The following NCAM2 variants were observed in gnomAD, a reference collection of about 807,000 sequenced individuals.
NCAM2 encodes the protein N-CAM-2.
A neutral mutation model predicts 98.1 loss-of-function variants in NCAM2; 30 were observed. The ratio of observed to expected loss-of-function variants is 0.31; its 90% CI spans 0.23 to 0.41. The LOEUF (loss-of-function observed/expected upper bound fraction) is 0.41. Among genes scored for constraint, NCAM2 ranks in the 10% least tolerant of loss-of-function variants. The probability of loss-of-function intolerance (pLI) is 1.00; values close to 1 mark genes in which losing one functional copy is unlikely to be tolerated. For synonymous variants in NCAM2, 368 were observed against 342.4 expected (o/e 1.07, Z -0.83); for missense variants, 867 against 1,005.8 (o/e 0.86, Z 1.87).
At chr21:21,470,392 ATAAG>A (rs1428422008) in intron 14 of NCAM2, among the ~76,000 whole-genome samples, 1 of 152,126 alleles carries the variant, frequency 6.6e-6, no homozygotes, top group African/African-American at 2.4e-5. Flanking sequence ...ATGGATAGAA[ATAAG>A]TAAGATTTTA....
intron 5 of NCAM2, 129 bp from the exon 6 acceptor site, chr21:21,324,254 C>T: frequency 1.7e-6 from 1 of 601,212 alleles, no homozygotes; most frequent in Non-Finnish European, 2.9e-6. Flanking sequence ...GAAACCAAAT[C>T]AGTTTCATTA....
At chr21:21,504,921 C>G (rs1307661454) in intron 15 of NCAM2, among the ~76,000 whole-genome samples, 1 of 151,670 alleles carries the variant, frequency 6.6e-6, no homozygotes, top group Non-Finnish European at 1.5e-5. Flanking sequence ...AAGCATTTAT[C>G]TTTCGTGTTA....
chr21:21,294,573 A>C (rs1273934209), intron 5 of NCAM2, among the ~76,000 whole-genome samples: 2 of 151,804 alleles, frequency 1.3e-5, no homozygotes, highest in Non-Finnish European at 2.9e-5. Context: ...TTAGGATCAC[A>C]AACTCGCGTA....
chr21:21,121,710 C>G (rs1382202064), intron 1 of NCAM2, among the ~76,000 whole-genome samples: 1 of 152,196 alleles, frequency 6.6e-6, no homozygotes. Context: ...ATAGCTTGCT[C>G]ACTAAAACGT....
chr21:21,101,054 A>G (rs573464518), intron 1 of NCAM2, among the ~76,000 whole-genome samples: 1 of 151,936 alleles, frequency 6.6e-6, no homozygotes, highest in Non-Finnish European at 1.5e-5. Context: ...GTAATGTATC[A>G]TATTGTCTAT....
intron 1 of NCAM2, among the ~76,000 whole-genome samples, chr21:21,034,898 TTACCTTGCTGGA>T: frequency 6.6e-6 from 1 of 152,298 alleles, no homozygotes; most frequent in Non-Finnish European, 1.5e-5. Flanking sequence ...TTTTTAAAAG[TTACCTTGCTGGA>T]ACTTTTCATA....
chr21:21,284,099 T>A lies in NCAM2; in HGVS notation c.131-95T>A, dbSNP rs1292884160. On this transcript the variant is annotated intron_variant, in intron 2 of 17. Coordinates refer to ENST00000400546, the MANE Select transcript of NCAM2 (RefSeq NM_004540.5). ...CCAGTCTGTTACATAATTTTTTTTC[T>A]AAATGGTTAATATTATTACATAATA... 1.1e-5 allele frequency: 10 copies of A among 911,890 alleles called. No individual in the cohort carries two copies. The South Asian group carries it at 1.5e-4, about 14-fold the overall frequency. The allele number at this position is 911,890 out of a possible 1,614,324, so 56.5% of individuals were successfully genotyped here.
chr21:21,033,301 C>T (rs933242163), intron 1 of NCAM2, among the ~76,000 whole-genome samples: 1 of 152,106 alleles, frequency 6.6e-6, no homozygotes, highest in Non-Finnish European at 1.5e-5. Context: ...TTTTCAGGCA[C>T]ATGGGATAAG....
intron 12 of NCAM2, among the ~76,000 whole-genome samples, chr21:21,461,147 T>A (rs1163019139): frequency 6.6e-6 from 1 of 151,890 alleles, no homozygotes; most frequent in Non-Finnish European, 1.5e-5. Context: ...ACGTACTCAG[T>A]GGACCTTGAA....
At chr21:21,098,321 G>A (rs7510210) in intron 1 of NCAM2, among the ~76,000 whole-genome samples, 51,354 of 151,508 alleles carry the variant, frequency 0.34, 11,796 homozygotes, top group African/African-American at 0.65. Flanking sequence ...AAATTTTAAT[G>A]TCACTGTATC....
chr21:21,376,924 G>A lies in NCAM2; in HGVS notation c.1195+2911G>A, dbSNP rs539122148. ...AGTATCCCCTGAGATTATTATTGCC[G>A]CCATCTTGATTAGAGGGTAGCTAGA... is the stretch of plus-strand genomic sequence containing the variant. On this transcript the variant is annotated intron_variant, in intron 9 of 17. Coordinates refer to ENST00000400546, the MANE Select transcript of NCAM2 (RefSeq NM_004540.5). 2.6e-5 allele frequency among the ~76,000 whole-genome samples: 4 copies of A among 151,596 alleles called. No individual in the cohort carries two copies. In the South Asian group the frequency reaches 6.2e-4, roughly 24 times the overall value.
chr21:21,256,182 G>A lies in NCAM2; in HGVS notation c.56-24396G>A, dbSNP rs927019855. ...CCAGCTTGGCCAACATGGCAAAACC[G>A]CATCTCTACTAAAAACAACAAAAAT... is the stretch of plus-strand genomic sequence containing the variant. On this transcript the variant is annotated intron_variant, in intron 1 of 17. Transcript: ENST00000400546. Among the ~76,000 whole-genome samples the A allele has an allele frequency of 3.3e-5, 5 of 151,836 alleles. No individual in the cohort carries two copies. The South Asian group carries it at 8.3e-4, about 25-fold the overall frequency.
At chr21:21,155,236 C>T (rs373349411) in intron 1 of NCAM2, among the ~76,000 whole-genome samples, 1 of 150,480 alleles carries the variant, frequency 6.6e-6, no homozygotes, top group Non-Finnish European at 1.5e-5. Context: ...CATGTGAGCC[C>T]TCACAAAGGT....
At chr21:21,165,160 G>A (rs2067910780) in intron 1 of NCAM2, among the ~76,000 whole-genome samples, 1 of 152,142 alleles carries the variant, frequency 6.6e-6, no homozygotes, top group African/African-American at 2.4e-5. Context: ...GGAAATGGCA[G>A]ATGGGGCAAA....
chr21:21,064,231 G>A (rs149413442), intron 1 of NCAM2, among the ~76,000 whole-genome samples: 1 of 152,160 alleles, frequency 6.6e-6, no homozygotes, highest in Non-Finnish European at 1.5e-5. Flanking sequence ...GCTAAGAATT[G>A]TGACTTCAAT....
At chr21:21,503,102 C>T (rs556384102) in intron 15 of NCAM2, among the ~76,000 whole-genome samples, 6 of 151,810 alleles carry the variant, frequency 4.0e-5, no homozygotes, top group South Asian at 4.2e-4. Context: ...CATGAAAAGA[C>T]GCATACAATA....
At chr21:21,315,409 C>T (rs1000311628) in intron 5 of NCAM2, among the ~76,000 whole-genome samples, 1 of 152,108 alleles carries the variant, frequency 6.6e-6, no homozygotes, top group Admixed American at 6.6e-5. Context: ...TTTTTAGTCC[C>T]CTGGCCAGAA....
intron 6 of NCAM2, 130 bp downstream of exon 6, chr21:21,324,630 G>A (rs2074464989): frequency 1.0e-5 from 7 of 675,412 alleles, no homozygotes; most frequent in African/African-American, 1.8e-5. Context: ...AAATCCTGGT[G>A]CTATCTTTGG....
At chr21:21,307,833 C>T (rs1375131403) in intron 5 of NCAM2, among the ~76,000 whole-genome samples, 2 of 152,150 alleles carry the variant, frequency 1.3e-5, no homozygotes, top group African/African-American at 4.8e-5. Context: ...CTTCTTCTTA[C>T]AGCTGAAGAG....
Sources: allele counts gnomAD v4.1 joint callset (sites outside exome capture counted in the v4.1 genomes callset), GRCh38; gene constraint gnomAD v4.1.1; transcripts MANE v1.5; gene names NCBI Gene and HGNC (gene_info 2026-07-23, HGNC 2026-07-21).